The following PTPRK variants were observed in gnomAD, a reference collection of about 807,000 sequenced individuals.
PTPRK encodes the protein receptor-type tyrosine-protein phosphatase kappa.
PTPRK carries 75 observed loss-of-function variants against 178.0 expected under a neutral mutation model. That is an observed-to-expected ratio of 0.42 (90% CI 0.35 to 0.51). PTPRK has a LOEUF of 0.51. Among genes scored for constraint, PTPRK ranks in the 20% least tolerant of loss-of-function variants. The pLI, the probability that PTPRK is intolerant of heterozygous loss-of-function variation, is 0.02. For synonymous variants in PTPRK, 637 were observed against 620.6 expected, an observed-to-expected ratio of 1.03 and a Z score of -0.39; for missense variants, 1,441 against 1,797.8, an observed-to-expected ratio of 0.80 and a Z score of 3.59.
intron 2 of PTPRK, among the ~76,000 whole-genome samples, chr6:128,337,573 C>A (rs1831112130): frequency 6.6e-6 from 1 of 152,152 alleles, no homozygotes; most frequent in Admixed American, 6.5e-5. Flanking sequence ...GCAAAAGGAT[C>A]ATGTGATGTA....
chr6:127,987,723 A>G (rs1279258423), intron 21 of PTPRK, among the ~76,000 whole-genome samples: 1 of 152,120 alleles, frequency 6.6e-6, no homozygotes, highest in Non-Finnish European at 1.5e-5. Flanking sequence ...TAAAACTTCC[A>G]AAAATGTTTA....
intron 1 of PTPRK, among the ~76,000 whole-genome samples, chr6:128,496,259 G>A (rs1244382953): frequency 6.6e-6 from 1 of 152,154 alleles, no homozygotes; most frequent in African/African-American, 2.4e-5. Context: ...TTCCAGCAAT[G>A]TGATTATCAG....
chr6:128,340,829 G>A, intron 2 of PTPRK: 1 of 452,774 alleles, frequency 2.2e-6, no homozygotes, highest in Non-Finnish European at 4.3e-6. Flanking sequence ...AACATCATTT[G>A]AGTTAATGTC....
intron 3 of PTPRK, among the ~76,000 whole-genome samples, chr6:128,313,928 T>C (rs188794246): frequency 2.6e-4 from 39 of 152,300 alleles, no homozygotes; most frequent in Admixed American, 2.0e-3. Flanking sequence ...CTGAAAGCAT[T>C]AGGATTCTTT....
chr6:128,239,125 G>GTTTTTTTTTT (rs71833785), intron 5 of PTPRK, among the ~76,000 whole-genome samples: 3 of 98,748 alleles, frequency 3.0e-5, no homozygotes, highest in Admixed American at 1.0e-4. Context: ...AACTCATCTT[G>GTTTTTTTTTT]TTTTTTTTTT....
intron 7 of PTPRK, among the ~76,000 whole-genome samples, chr6:128,153,368 C>T (rs1212773285): frequency 6.6e-6 from 1 of 151,752 alleles, no homozygotes; most frequent in Non-Finnish European, 1.5e-5. Flanking sequence ...GTTGAGAAAG[C>T]TATTAATGCA....
At chr6:128,085,528 T>A (rs186980659) in intron 8 of PTPRK, among the ~76,000 whole-genome samples, 1 of 152,234 alleles carries the variant, frequency 6.6e-6, no homozygotes, top group Admixed American at 6.5e-5. Flanking sequence ...TTTGATGGCA[T>A]TGTAATTATA....
intron 2 of PTPRK, among the ~76,000 whole-genome samples, chr6:128,366,119 C>T (rs1835442325): frequency 6.6e-6 from 1 of 152,062 alleles, no homozygotes; most frequent in Non-Finnish European, 1.5e-5. Context: ...TAAAGGGTCA[C>T]ACAAAGAAGC....
chr6:128,386,709 G>A (rs551716808), intron 2 of PTPRK, among the ~76,000 whole-genome samples: 91 of 152,170 alleles, frequency 6.0e-4, no homozygotes, highest in African/African-American at 1.8e-3. Flanking sequence ...TTAATATTGC[G>A]TGACACTGGA....
intron 8 of PTPRK, among the ~76,000 whole-genome samples, chr6:128,086,956 A>G (rs1785962138): frequency 1.3e-5 from 2 of 152,226 alleles, no homozygotes; most frequent in Middle Eastern, 3.4e-3. Context: ...AAATGATATT[A>G]AAATTAGAAT....
At chr6:128,275,267 T>C (rs1162411503) in intron 3 of PTPRK, among the ~76,000 whole-genome samples, 1 of 152,092 alleles carries the variant, frequency 6.6e-6, no homozygotes, top group Non-Finnish European at 1.5e-5. Flanking sequence ...AGCTCTTATG[T>C]TATAAACAAT....
chr6:128,012,227 T>A (rs554215279), intron 13 of PTPRK, among the ~76,000 whole-genome samples: 2 of 151,444 alleles, frequency 1.3e-5, no homozygotes, highest in African/African-American at 4.8e-5. Flanking sequence ...AATATGTCTG[T>A]ATATATTTAT....
chr6:128,307,963 A>C (rs112473720), intron 3 of PTPRK, among the ~76,000 whole-genome samples: 2 of 152,318 alleles, frequency 1.3e-5, no homozygotes, highest in Non-Finnish European at 2.9e-5. Flanking sequence ...ACACATGTAC[A>C]TGAATGCTCA....
intron 2 of PTPRK, among the ~76,000 whole-genome samples, chr6:128,376,868 G>A (rs1021584445): frequency 3.9e-5 from 6 of 152,046 alleles, no homozygotes; most frequent in Admixed American, 6.6e-5. Context: ...TTGCTAATAC[G>A]TAACAAGAGT....
intron 8 of PTPRK, among the ~76,000 whole-genome samples, chr6:128,084,750 C>T (rs2115007599): frequency 6.6e-6 from 1 of 152,216 alleles, no homozygotes; most frequent in South Asian, 2.1e-4. Context: ...GCTATTTATT[C>T]ACATGAATAT....
chr6:128,421,588 T>G (rs1430447518), intron 1 of PTPRK, among the ~76,000 whole-genome samples: 1 of 152,228 alleles, frequency 6.6e-6, no homozygotes, highest in East Asian at 1.9e-4. Flanking sequence ...GTATTCACTT[T>G]TCCAGAATTA....
In PTPRK at chr6:128,322,198, T is replaced by C. The variant is rs760871322; in HGVS notation, c.336A>G (p.Leu112=). The change falls in exon 3 of 30, where the codon TTA becomes TTG. Residue 112 remains leucine, a synonymous_variant. Coordinates refer to ENST00000368226, the MANE Select transcript of PTPRK (RefSeq NM_002844.4). ...DTHCIDFSYL[L]YSQKGLNPGT... ...CAGGATTCAGTCCTTTCTGGCTATA[T>C]AATAGGTAACTGAAATCAATGCAGT... 1.9e-6 allele frequency: 3 copies of C among 1,613,884 alleles called. No homozygotes were observed. The highest frequency in any genetic ancestry group is 1.6e-4 in the Middle Eastern group (1 of 6,062).
At chr6:128,187,139 T>A (rs908992030) in intron 6 of PTPRK, among the ~76,000 whole-genome samples, 1 of 152,018 alleles carries the variant, frequency 6.6e-6, no homozygotes, top group African/African-American at 2.4e-5. Flanking sequence ...GTATATCAAA[T>A]GGTAAATCTC....
intron 8 of PTPRK, among the ~76,000 whole-genome samples, chr6:128,089,001 T>A (rs907756530): frequency 6.6e-6 from 1 of 152,178 alleles, no homozygotes; most frequent in African/African-American, 2.4e-5. Flanking sequence ...TTGCTCTTGT[T>A]GCCCAGGCTG....
Sources: gnomAD v4.1 joint callset for allele counts (sites outside exome capture counted in the v4.1 genomes callset) on GRCh38, gnomAD v4.1.1 for gene constraint, MANE v1.5 for transcripts, NCBI Gene and HGNC (gene_info 2026-07-23, HGNC 2026-07-21) for gene names.